Variants in KCNK4 observed in about 807,000 individuals in gnomAD.
The protein encoded by KCNK4 is potassium two pore domain channel subfamily K member 4.
Under a neutral mutation model 28.8 loss-of-function variants are expected in KCNK4, and 22 were observed. The ratio of observed to expected loss-of-function variants is 0.76; its 90% CI spans 0.55 to 1.09. The LOEUF is 1.09. Ranked by LOEUF, KCNK4 falls within the 50% of genes least tolerant of loss-of-function variation. KCNK4 has a pLI of 0.00. For synonymous variants in KCNK4, 263 were observed against 252.9 expected, an observed-to-expected ratio of 1.04 and a Z score of -0.38; for missense variants, 483 against 546.3, an observed-to-expected ratio of 0.88 and a Z score of 1.15.
At chr11:64,297,747 T>TTGCTCTAACCCCTGCATCC (rs2034812525) in intron 5 of KCNK4, 94 bp downstream of exon 5, 1 of 1,342,112 alleles carries the variant, frequency 7.5e-7, no homozygotes, top group Non-Finnish European at 1.0e-6. Context: ...TCCCATGTGG[T>TTGCTCTAACCCCTGCATCC]TGCTCTAACC....
chr11:64,297,625 C>G lies in KCNK4; in HGVS notation c.633C>G (p.Thr211=). The G allele has an allele frequency of 1.2e-6, 2 of 1,612,552 alleles. No homozygotes were observed. The highest frequency in any genetic ancestry group is 1.7e-6 in the Non-Finnish European group (2 of 1,178,730). Residue 211 remains threonine, a synonymous_variant, in exon 5 of 7, where the codon ACC becomes ACG. Coordinates refer to ENST00000422670, the MANE Select transcript of KCNK4 (RefSeq NM_033310.3). ...EAIYFVIVTL[T]TVGFGDYVAG... Reference sequence around the variant, plus strand: ...TCTACTTTGTCATAGTGACGCTTACCACCGTGGGCTTTGGCGACTATGTGG... The same window carrying G: ...TCTACTTTGTCATAGTGACGCTTACGACCGTGGGCTTTGGCGACTATGTGG...
At chr11:64,292,171 G>C (rs1407343170) in intron 1 of KCNK4, 1 of 884,750 alleles carries the variant, frequency 1.1e-6, no homozygotes, top group African/African-American at 1.8e-5. Flanking sequence ...ATGGAGCGTG[G>C]GCGCGCGGGT....
intron 2 of KCNK4, among the ~76,000 whole-genome samples, chr11:64,295,381 T>G (rs1415358614): frequency 2.0e-5 from 3 of 152,100 alleles, no homozygotes; most frequent in Non-Finnish European, 2.9e-5. Context: ...GATGCCCATG[T>G]GGAGAGACAG....
At position 64,299,699 on chromosome 11, in the gene KCNK4, T is replaced by G. The variant is rs762014521; in HGVS notation, c.1155T>G (p.Arg385=). Residue 385 remains arginine, a synonymous_variant, in exon 7 of 7, where the codon CGT becomes CGG. Coordinates refer to ENST00000422670, the MANE Select transcript of KCNK4 (RefSeq NM_033310.3). ...RKPVRPRGPG[R]PRDKGVPV is the part of the protein sequence containing the mutation. ...CCGTGCGGCCCCGCGGCCCCGGGCG[T>G]CCCCGAGACAAAGGCGTGCCGGTGT... The G allele has an allele frequency of 1.4e-4, 226 of 1,562,456 alleles. No homozygotes were observed. The African/African-American group carries it at 2.7e-3, about 19-fold the overall frequency.
In KCNK4 at chr11:64,293,114, G is replaced by A. The variant is rs1399298276; in HGVS notation, c.96G>A (p.Glu32=). Residue 32 remains glutamate (E), a synonymous_variant, in exon 2 of 7, where the codon GAG becomes GAA. Coordinates refer to ENST00000422670, the MANE Select transcript of KCNK4 (RefSeq NM_033310.3). Reference sequence around the variant, plus strand: ...TCCGGGCCCTGGAGCAGCCCCACGAGCAGCAGGCCCAGAGGGAGCTGGGGG... The same window carrying A: ...TCCGGGCCCTGGAGCAGCCCCACGAACAGCAGGCCCAGAGGGAGCTGGGGG... ...LVFRALEQPH[E]QQAQRELGEV... The A allele has an allele frequency of 6.5e-7, 1 of 1,547,528 alleles. No individual in the cohort carries two copies. Among genetic ancestry groups the A allele is most frequent in the South Asian group, 1.2e-5 (1 of 83,324 alleles).
At chr11:64,294,736 TGTTCCAGC>T (rs1482253925) in intron 2 of KCNK4, among the ~76,000 whole-genome samples, 1 of 152,106 alleles carries the variant, frequency 6.6e-6, no homozygotes, top group Non-Finnish European at 1.5e-5. Flanking sequence ...GAGGCCTCAG[TGTTCCAGC>T]AGATTCTCAA....
chr11:64,291,670 G>C (rs2034632021), intron 1 of KCNK4, 104 bp downstream of exon 1: 1 of 151,904 alleles, frequency 6.6e-6, no homozygotes, highest in Non-Finnish European at 1.5e-5. Context: ...CCGGCGGGAG[G>C]GGGGTCCCAG....
At position 64,299,819 on chromosome 11, in the gene KCNK4, G is replaced by A. The variant is rs956214850; in HGVS notation, c.*93G>A. ...TGACCAAAGAGCCCTCTTTCCACGA[G>A]ACTGAAGTCTGGGGAGGAGGCTACA... On this transcript the variant is annotated 3_prime_UTR_variant, in exon 7 of 7. Transcript: ENST00000422670. 3 of 1,535,344 alleles carry A rather than the reference G, an allele frequency of 2.0e-6. No homozygotes were observed. Among genetic ancestry groups the A allele is most frequent in the African/African-American group, 1.4e-5 (1 of 73,002 alleles).
chr11:64,292,736 A>G (rs906216978), intron 1 of KCNK4: 34 of 368,242 alleles, frequency 9.2e-5, no homozygotes, highest in Non-Finnish European at 1.5e-4. Flanking sequence ...CTCACCCGGT[A>G]GTCCCAGACA....
At chr11:64,295,560 C>G (rs2034743239) in intron 2 of KCNK4, among the ~76,000 whole-genome samples, 1 of 152,024 alleles carries the variant, frequency 6.6e-6, no homozygotes, top group African/African-American at 2.4e-5. Flanking sequence ...CATTAAATCA[C>G]TTTTAATTAG....
intron 2 of KCNK4, among the ~76,000 whole-genome samples, chr11:64,293,460 G>A (rs1328006325): frequency 8.8e-6 from 1 of 113,448 alleles, no homozygotes; most frequent in Non-Finnish European, 2.0e-5. Flanking sequence ...GTGTGATGGT[G>A]GTGGGATGAG....
At chr11:64,292,015 C>G in intron 1 of KCNK4, 1 of 1,185,424 alleles carries the variant, frequency 8.4e-7, no homozygotes, top group Non-Finnish European at 1.1e-6. Flanking sequence ...GGCGTGTGCA[C>G]GCTAGTGTCC....
At chr11:64,297,987 G>A in intron 5 of KCNK4, 123 bp from the exon 6 acceptor site, 1 of 1,175,698 alleles carries the variant, frequency 8.5e-7, no homozygotes, top group Non-Finnish European at 1.2e-6. Context: ...ACACACTCAA[G>A]CACATACCCA....
At chr11:64,296,829 A>G (rs1195375742) in intron 2 of KCNK4, 49 bp from the exon 3 acceptor site, 6 of 1,493,798 alleles carry the variant, frequency 4.0e-6, no homozygotes, top group Non-Finnish European at 5.3e-6. Context: ...GAGTTGCCCT[A>G]GACAGGAGGG....
chr11:64,296,889 T>C lies in KCNK4; in HGVS notation c.201T>C (p.Asp67=). The change falls in exon 3 of 7, where the codon GAT becomes GAC. Residue 67 remains aspartate (D), a synonymous_variant. Transcript: ENST00000422670. ...ELGLLIKEVA[D]ALGGGADPET... ...ACCTTGTCCTGCAGGAGGTGGCTGATGCCCTGGGAGGGGGTGCGGACCCAG... is the reference window on the plus strand; with the variant it reads ...ACCTTGTCCTGCAGGAGGTGGCTGACGCCCTGGGAGGGGGTGCGGACCCAG... The C allele has an allele frequency of 6.6e-7, 1 of 1,509,898 alleles. No homozygotes were observed. The highest frequency in any genetic ancestry group is 8.8e-7 in the Non-Finnish European group (1 of 1,130,838). The allele number at this position is 1,509,898 out of a possible 1,614,324, so 93.5% of individuals were successfully genotyped here.
intron 2 of KCNK4, among the ~76,000 whole-genome samples, chr11:64,293,416 C>T (rs955034457): frequency 6.6e-5 from 10 of 152,090 alleles, no homozygotes; most frequent in African/African-American, 2.4e-4. Context: ...GAGAGCCTGG[C>T]ACAGGACTGT....
Position 64,296,883 on chromosome 11 carries a change from G to A in KCNK4, c.195G>A (p.Val65=). Residue 65 remains valine, a synonymous_variant, in exon 3 of 7, where the codon GTG becomes GTA. Coordinates refer to ENST00000422670, the MANE Select transcript of KCNK4 (RefSeq NM_033310.3). ...DQELGLLIKE[V]ADALGGGADP... is the part of the protein sequence containing the mutation. ...TTCTGCACCTTGTCCTGCAGGAGGT[G>A]GCTGATGCCCTGGGAGGGGGTGCGG... 1.3e-6 allele frequency: 2 copies of A among 1,510,100 alleles called. No individual in the cohort carries two copies. The highest frequency in any genetic ancestry group is 1.8e-6 in the Non-Finnish European group (2 of 1,131,046). 93.5% of individuals were successfully genotyped at this position (1,510,100 alleles called of 1,614,324 possible). A position where few individuals can be genotyped will look rare whatever the true frequency, so the allele number is the denominator to read the frequency against.
rs748161802 is a variant in KCNK4 at position 64,292,994 on chromosome 11, A to T, written c.-25A>T. On this transcript the variant is annotated 5_prime_UTR_variant, in exon 2 of 7. Transcript: ENST00000422670. ...CCCGGCCCCTCCAGGCGGGCAGTGG[A>T]GCTGGCCCGGCGCCTGGGCGCGCCA... 3.3e-6 allele frequency: 5 copies of T among 1,527,974 alleles called. No individual in the cohort carries two copies. The highest frequency in any genetic ancestry group is 4.4e-6 in the Non-Finnish European group (5 of 1,138,736). The allele number at this position is 1,527,974 out of a possible 1,614,324, so 94.7% of individuals were successfully genotyped here. A position where few individuals can be genotyped will look rare whatever the true frequency, so the allele number is the denominator to read the frequency against.
chr11:64,299,738 C>G lies in KCNK4; in HGVS notation c.*12C>G. 2.6e-6 allele frequency: 4 copies of G among 1,547,926 alleles called. No homozygotes were observed. In the South Asian group the frequency reaches 4.7e-5, roughly 18 times the overall value. ...GCGTGCCGGTGTAGGGGCAGGATCC[C>G]TGGCCGGGCCTCTCAAGGGCTTCGT... is the stretch of plus-strand genomic sequence containing the variant. On this transcript the variant is annotated 3_prime_UTR_variant, in exon 7 of 7. Transcript: ENST00000422670.
Sources: gnomAD v4.1 joint callset for allele counts (sites outside exome capture counted in the v4.1 genomes callset) on GRCh38, gnomAD v4.1.1 for gene constraint, MANE v1.5 for transcripts, NCBI Gene and HGNC (gene_info 2026-07-23, HGNC 2026-07-21) for gene names.